RBBP5: variants seen among roughly 807,000 people sequenced by gnomAD.
RBBP5 encodes the protein retinoblastoma-binding protein 5.
In RBBP5, 5 loss-of-function variants were observed where a neutral mutation model predicts 72.2. That is an observed-to-expected ratio of 0.07 (90% CI 0.04 to 0.15). RBBP5 has a LOEUF of 0.15. Ranked by LOEUF, RBBP5 falls within the 10% of genes least tolerant of loss-of-function variation. The pLI is 1.00. For missense variants in RBBP5, 322 were observed against 652.2 expected (o/e 0.49, Z 5.51); for synonymous variants, 209 against 237.2 (o/e 0.88, Z 1.09).
rs77997457 is a variant in RBBP5, at chr1:205,090,623, T to C, written c.1589-1808A>G. 2.0e-5 allele frequency among the ~76,000 whole-genome samples: 3 copies of C among 152,254 alleles called. No homozygotes were observed. The East Asian group carries it at 5.8e-4, about 29-fold the overall frequency. ...CAGCAACTGCCCCCAAGGAAACATATTATTTAGCTACAACATAAAGGAAAT... is the reference window on the plus strand; with the variant it reads ...CAGCAACTGCCCCCAAGGAAACATACTATTTAGCTACAACATAAAGGAAAT... On this transcript the variant is annotated intron_variant, in intron 13 of 13. Transcript: ENST00000264515.
intron 3 of RBBP5, among the ~76,000 whole-genome samples, chr1:205,110,053 C>A (rs750605262): frequency 6.6e-6 from 1 of 151,362 alleles, no homozygotes; most frequent in Admixed American, 6.6e-5. Context: ...TTTTTTTTTC[C>A]GAGACAGGGT....
At position 205,099,598 on chromosome 1, in the gene RBBP5, G is replaced by T; in HGVS notation, c.978+143C>A. ...TTCCCACCAAAATAAAGTGCAACTA[G>T]ATGCACTGAACCTATGTAATTTAGG... On this transcript the variant is annotated intron_variant, in intron 9 of 13. Coordinates refer to ENST00000264515, the MANE Select transcript of RBBP5 (RefSeq NM_005057.4). The surrounding 1 kb of genome is among the most constrained non-coding windows in gnomAD (Gnocchi z 4.7). The T allele has an allele frequency of 1.2e-6, 1 of 838,206 alleles. No individual in the cohort carries two copies. Among genetic ancestry groups the T allele is most frequent in the Non-Finnish European group, 1.8e-6 (1 of 556,092 alleles). The allele number at this position is 838,206 out of a possible 1,614,324, so 51.9% of individuals were successfully genotyped here. A position where few individuals can be genotyped will look rare whatever the true frequency, so the allele number is the denominator to read the frequency against.
chr1:205,107,640 G>A (rs1656125386), intron 3 of RBBP5, among the ~76,000 whole-genome samples: 1 of 152,110 alleles, frequency 6.6e-6, no homozygotes. Context: ...ATAAATATAT[G>A]GGTAGATAAA....
intron 1 of RBBP5, among the ~76,000 whole-genome samples, chr1:205,118,426 A>G (rs1656612051): frequency 6.6e-6 from 1 of 151,914 alleles, no homozygotes; most frequent in Non-Finnish European, 1.5e-5. Flanking sequence ...CTGAGCCAAC[A>G]TGGTGAAACC....
At chr1:205,092,406 C>A (rs74787661) in intron 13 of RBBP5, among the ~76,000 whole-genome samples, 25,871 of 151,894 alleles carry the variant, frequency 0.17, 2,562 homozygotes, top group East Asian at 0.39. Context: ...GCCTCAGCCT[C>A]CCCAAGTGCT....
chr1:205,089,638 T>C (rs1323122672), intron 13 of RBBP5, among the ~76,000 whole-genome samples: 1 of 152,170 alleles, frequency 6.6e-6, no homozygotes, highest in Non-Finnish European at 1.5e-5. Context: ...CCTGCACAAA[T>C]GAAAACTGGC....
chr1:205,095,142 G>A (rs978084952), intron 12 of RBBP5, 78 bp from the exon 13 acceptor site: 13 of 1,363,620 alleles, frequency 9.5e-6, no homozygotes, highest in Admixed American at 2.0e-5. Context: ...GTTGAGCAAA[G>A]AATGTTGCTT....
intron 3 of RBBP5, among the ~76,000 whole-genome samples, chr1:205,113,204 T>C (rs1656386691): frequency 2.6e-5 from 4 of 152,196 alleles, no homozygotes; most frequent in Admixed American, 2.6e-4. Context: ...TATCTCTATT[T>C]TGTTTTATTT....
chr1:205,096,271 C>CA (rs1219269461), intron 12 of RBBP5, among the ~76,000 whole-genome samples: 1 of 152,008 alleles, frequency 6.6e-6, no homozygotes. Context: ...CACACACCCC[C>CA]ATCCATCCCT....
intron 3 of RBBP5, among the ~76,000 whole-genome samples, chr1:205,106,865 CAGA>C (rs1656085536): frequency 6.6e-6 from 1 of 151,476 alleles, no homozygotes; most frequent in Non-Finnish European, 1.5e-5. Flanking sequence ...AGCAAAGAAA[CAGA>C]AGATACAGAG....
rs760889382 is a variant in RBBP5 at position 205,100,183 on chromosome 1, G to C, written c.721C>G (p.Pro241Ala). The change falls in exon 7 of 14, where the codon CCT (proline) becomes GCT (alanine). Residue 241 changes from proline to alanine, a missense_variant. Pro to Ala is a conservative substitution (Grantham distance 27). Around this residue, in one of 6 missense-constraint regions of RBBP5, gnomAD observed 161 missense variants for 327.8 expected, o/e 0.49. Transcript: ENST00000264515. ...ACCAAATCCTGCAATTTCTGCATAG[G>C]TTCAGGCTCTCCATCTCTTCCACAT... ...LTCGRDGEPE[P>A]MQKLQDLVNR... 6.2e-7 allele frequency: 1 copy of C among 1,614,098 alleles called. No individual in the cohort carries two copies. The highest frequency in any genetic ancestry group is 8.5e-7 in the Non-Finnish European group (1 of 1,180,006).
chr1:205,105,752 G>T (rs112917850), intron 3 of RBBP5, among the ~76,000 whole-genome samples: 1 of 152,178 alleles, frequency 6.6e-6, no homozygotes, highest in Non-Finnish European at 1.5e-5. Flanking sequence ...CATGTTCCCC[G>T]TTCTGGGTGA....
At chr1:205,118,822 A>G (rs1656627745) in intron 1 of RBBP5, among the ~76,000 whole-genome samples, 1 of 152,184 alleles carries the variant, frequency 6.6e-6, no homozygotes, top group Non-Finnish European at 1.5e-5. Context: ...TCCGGTGCAC[A>G]CTGGTGAATA....
intron 3 of RBBP5, among the ~76,000 whole-genome samples, chr1:205,106,364 G>A (rs1431306661): frequency 6.6e-6 from 1 of 152,184 alleles, no homozygotes; most frequent in Non-Finnish European, 1.5e-5. Context: ...GGAGGCCAAG[G>A]CAGGCAAATC....
chr1:205,099,125 TACTTA>T lies in RBBP5; in HGVS notation c.979-24_979-20del. On this transcript the variant is annotated intron_variant, in intron 9 of 13. Coordinates refer to ENST00000264515, the MANE Select transcript of RBBP5 (RefSeq NM_005057.4). This position sits in a 1 kb window ranked among gnomAD's most constrained non-coding sequence, Gnocchi z 4.7. ...AGTTTTCCTATACAACAAGATATAC[TACTTA>T]ACCATATGTGAAAGCAATAATCTGT... 1 of 1,422,502 alleles carries T rather than the reference TACTTA, an allele frequency of 7.0e-7. No homozygotes were observed. Among genetic ancestry groups the T allele is most frequent in the Non-Finnish European group, 9.8e-7 (1 of 1,022,716 alleles). The allele number at this position is 1,422,502 out of a possible 1,614,324, so 88.1% of individuals were successfully genotyped here. A position where few individuals can be genotyped will look rare whatever the true frequency, so the allele number is the denominator to read the frequency against.
intron 12 of RBBP5, 140 bp downstream of exon 12, chr1:205,096,542 A>T (rs1574692013): frequency 2.8e-6 from 2 of 722,832 alleles, no homozygotes; most frequent in East Asian, 5.3e-5. Flanking sequence ...ATCATTATAA[A>T]GTTGTAAAAC....
intron 3 of RBBP5, among the ~76,000 whole-genome samples, chr1:205,111,081 AC>A (rs1371098040): frequency 6.6e-6 from 1 of 152,210 alleles, no homozygotes; most frequent in Non-Finnish European, 1.5e-5. Flanking sequence ...TTTAAAAAAA[AC>A]AAAAAACTTT....
chr1:205,113,436 C>T (rs1656396212), intron 3 of RBBP5, among the ~76,000 whole-genome samples: 1 of 151,938 alleles, frequency 6.6e-6, no homozygotes. Flanking sequence ...GTGCACCATA[C>T]ACCCAGCTAA....
chr1:205,093,962 T>G (rs1275163245), intron 13 of RBBP5, among the ~76,000 whole-genome samples: 1 of 152,058 alleles, frequency 6.6e-6, no homozygotes, highest in African/African-American at 2.4e-5. Flanking sequence ...ACAAAAAAAT[T>G]GAGAATACTG....
Sources: gnomAD v4.1 joint callset for allele counts (sites outside exome capture counted in the v4.1 genomes callset) on GRCh38, gnomAD v4.1.1 for gene constraint, gnomAD v4.1.1 regional missense constraint, Gnocchi (gnomAD v3.1) non-coding constraint, MANE v1.5 for transcripts, NCBI Gene and HGNC (gene_info 2026-07-23, HGNC 2026-07-21) for gene names.